The following TRIM33 variants were observed in gnomAD, a reference collection of about 807,000 sequenced individuals.
The protein encoded by TRIM33 is E3 ubiquitin-protein ligase TRIM33.
Under a neutral mutation model 125.4 loss-of-function variants are expected in TRIM33, and 20 were observed. The ratio of observed to expected loss-of-function variants is 0.16; its 90% CI spans 0.11 to 0.23. The LOEUF (loss-of-function observed/expected upper bound fraction) is 0.23. Ranked by LOEUF, TRIM33 falls within the 10% of genes least tolerant of loss-of-function variation. The probability of loss-of-function intolerance (pLI) is 1.00; values close to 1 mark genes in which losing one functional copy is unlikely to be tolerated. For synonymous variants in TRIM33, 564 were observed against 513.9 expected, an observed-to-expected ratio of 1.10 and a Z score of -1.32; for missense variants, 920 against 1,411.4, an observed-to-expected ratio of 0.65 and a Z score of 5.58.
Position 114,421,573 on chromosome 1 carries a change from G to C in TRIM33, c.1924C>G (p.Pro642Ala). The change falls in exon 11 of 20, where the codon CCA becomes GCA. Residue 642 changes from proline (P) to alanine (A), a missense_variant. Transcript: ENST00000358465. ...VVSVHNTTIN[P>A]TSPTTATMAN... ...ATAGTTGCTGTAGTAGGGCTCGTTGGGTTGATTGTGGTGTTGTGTACCGAT... is the reference window on the plus strand; with the variant it reads ...ATAGTTGCTGTAGTAGGGCTCGTTGCGTTGATTGTGGTGTTGTGTACCGAT... 1 of 1,614,134 alleles carries C rather than the reference G, an allele frequency of 6.2e-7. No homozygotes were observed. The highest frequency in any genetic ancestry group is 8.5e-7 in the Non-Finnish European group (1 of 1,180,016).
chr1:114,426,643 T>G (rs1025658564), intron 8 of TRIM33, among the ~76,000 whole-genome samples: 1 of 152,134 alleles, frequency 6.6e-6, no homozygotes, highest in African/African-American at 2.4e-5. Flanking sequence ...TTTGTGTGCA[T>G]GTGTTTTAAC....
At chr1:114,487,308 C>CA (rs1310086739) in intron 1 of TRIM33, among the ~76,000 whole-genome samples, 7 of 133,408 alleles carry the variant, frequency 5.2e-5, no homozygotes, top group African/African-American at 2.0e-4. Context: ...ATTCAAATGA[C>CA]AGTGGATCTC....
intron 11 of TRIM33, among the ~76,000 whole-genome samples, chr1:114,413,979 T>A (rs1652762017): frequency 7.1e-6 from 1 of 141,302 alleles, no homozygotes. Flanking sequence ...GGCAAAAGAG[T>A]GAGACCCTGT....
chr1:114,440,430 G>A (rs1648583054), intron 4 of TRIM33, among the ~76,000 whole-genome samples: 1 of 151,490 alleles, frequency 6.6e-6, no homozygotes, highest in Non-Finnish European at 1.5e-5. Flanking sequence ...AGGAAAAACA[G>A]CACCCTAAGC....
At chr1:114,483,524 G>A (rs1651482182) in intron 1 of TRIM33, among the ~76,000 whole-genome samples, 1 of 151,356 alleles carries the variant, frequency 6.6e-6, no homozygotes, top group African/African-American at 2.4e-5. Flanking sequence ...TGATTCTCCT[G>A]CCTCAGCCTC....
intron 1 of TRIM33, among the ~76,000 whole-genome samples, chr1:114,489,210 T>C (rs1651898705): frequency 6.6e-6 from 1 of 152,214 alleles, no homozygotes; most frequent in Admixed American, 6.5e-5. Context: ...CACTAAATGA[T>C]ACAGGGACAA....
At chr1:114,430,220 C>T (rs952188568) in intron 6 of TRIM33, among the ~76,000 whole-genome samples, 4 of 151,842 alleles carry the variant, frequency 2.6e-5, no homozygotes, top group African/African-American at 9.7e-5. Context: ...ACGTACATCA[C>T]ATTTTAGTAA....
At chr1:114,412,446 C>T (rs1452120989) in intron 11 of TRIM33, among the ~76,000 whole-genome samples, 3 of 152,196 alleles carry the variant, frequency 2.0e-5, no homozygotes, top group Non-Finnish European at 4.4e-5. Flanking sequence ...TAGTCTACAA[C>T]TGGGAAACCC....
intron 1 of TRIM33, among the ~76,000 whole-genome samples, chr1:114,483,161 G>T (rs1251476145): frequency 6.6e-6 from 1 of 151,948 alleles, no homozygotes; most frequent in Non-Finnish European, 1.5e-5. Flanking sequence ...TTTTTAATTA[G>T]CTAGGTGCGA....
At chr1:114,421,705 A>G (rs1572034442) in intron 10 of TRIM33, 69 bp from the exon 11 acceptor site, 1 of 1,491,768 alleles carries the variant, frequency 6.7e-7, no homozygotes, top group Non-Finnish European at 9.3e-7. Context: ...ATACCTTTAT[A>G]ATTTTTAGTT....
intron 4 of TRIM33, among the ~76,000 whole-genome samples, chr1:114,454,068 T>G (rs144336177): frequency 6.6e-6 from 1 of 152,172 alleles, no homozygotes; most frequent in African/African-American, 2.4e-5. Context: ...CAAACCTGAG[T>G]GTAGTTTTAG....
intron 1 of TRIM33, among the ~76,000 whole-genome samples, chr1:114,477,494 T>C (rs1651048056): frequency 6.6e-6 from 1 of 152,190 alleles, no homozygotes; most frequent in Admixed American, 6.6e-5. Flanking sequence ...GAGCTGTTAA[T>C]TCCTTAATCT....
At chr1:114,431,429 G>T (rs1051416660) in intron 5 of TRIM33, among the ~76,000 whole-genome samples, 3 of 152,152 alleles carry the variant, frequency 2.0e-5, no homozygotes, top group Non-Finnish European at 4.4e-5. Context: ...GTTTCCCTTT[G>T]TATACAGTAA....
chr1:114,498,746 G>A (rs551198541), intron 1 of TRIM33, among the ~76,000 whole-genome samples: 1 of 152,164 alleles, frequency 6.6e-6, no homozygotes, highest in South Asian at 2.1e-4. Context: ...AAGGAAACTA[G>A]AAAAAGACAG....
chr1:114,475,932 G>A (rs771740198), intron 1 of TRIM33, among the ~76,000 whole-genome samples: 2 of 151,528 alleles, frequency 1.3e-5, no homozygotes, highest in Non-Finnish European at 2.9e-5. Context: ...CCCGGGAGGT[G>A]GAGGCTGCAG....
chr1:114,448,705 G>A (rs1268231499), intron 4 of TRIM33, among the ~76,000 whole-genome samples: 2 of 152,188 alleles, frequency 1.3e-5, no homozygotes, highest in Non-Finnish European at 2.9e-5. Context: ...ACAAAGGGAT[G>A]AGGTAAAGTG....
At chr1:114,450,919 T>C (rs1349398161) in intron 4 of TRIM33, among the ~76,000 whole-genome samples, 1 of 152,228 alleles carries the variant, frequency 6.6e-6, no homozygotes, top group Non-Finnish European at 1.5e-5. Context: ...ATTTGTTTTC[T>C]TTTTTCTATA....
chr1:114,417,810 C>T (rs1653031358), intron 11 of TRIM33, among the ~76,000 whole-genome samples: 1 of 152,144 alleles, frequency 6.6e-6, no homozygotes, highest in African/African-American at 2.4e-5. Flanking sequence ...AGGCATGCAC[C>T]ACCATGCCCG....
intron 10 of TRIM33, among the ~76,000 whole-genome samples, chr1:114,422,913 TTATG>T (rs1195395680): frequency 6.6e-6 from 1 of 152,162 alleles, no homozygotes; most frequent in Non-Finnish European, 1.5e-5. Flanking sequence ...ATTTTGTAAA[TTATG>T]TATTTTTGTA....
Sources: allele counts gnomAD v4.1 joint callset (sites outside exome capture counted in the v4.1 genomes callset), GRCh38; gene constraint gnomAD v4.1.1; transcripts MANE v1.5; gene names NCBI Gene and HGNC (gene_info 2026-07-23, HGNC 2026-07-21).